Variants in ENTREP1 observed in about 807,000 individuals in gnomAD.
ENTREP1 encodes the protein endosomal transmembrane epsin interactor 1, also known as Friedreich ataxia region gene X123.
At chr9:69,359,180 A>G in the ENTREP1 span, among the ~76,000 whole-genome samples, 3 of 152,110 alleles carry the variant, frequency 2.0e-5, no homozygotes, top group Non-Finnish European at 4.4e-5. Flanking sequence ...TGCTGGGATT[A>G]CAGACGTGAG....
At chr9:69,358,884 T>A in the ENTREP1 span, among the ~76,000 whole-genome samples, 54,080 of 147,676 alleles carry the variant, frequency 0.37, 10,164 homozygotes, top group Admixed American at 0.42. Context: ...GCCTTTTTTT[T>A]TCTTTTTCTT....
At chr9:69,383,405 CA>C in the ENTREP1 span, 1 of 1,356,038 alleles carries the variant, frequency 7.4e-7, no homozygotes, top group Non-Finnish European at 9.5e-7. Context: ...GGTTTAAAAG[CA>C]ATGATGGGGT....
At chr9:69,379,458 GT>G in the ENTREP1 span, 6 of 152,282 alleles carry the variant, frequency 3.9e-5, no homozygotes, top group African/African-American at 1.2e-4. Flanking sequence ...CCTCTCTGGT[GT>G]TCAGGGAGTG....
At chr9:69,371,614 G>A in the ENTREP1 span, 5 of 1,589,292 alleles carry the variant, frequency 3.1e-6, no homozygotes, top group East Asian at 1.1e-4. Flanking sequence ...GATCTGGTAA[G>A]CAGTCCTAAA....
the ENTREP1 span, among the ~76,000 whole-genome samples, chr9:69,363,173 C>T: frequency 1.6e-4 from 24 of 152,058 alleles, no homozygotes; most frequent in Non-Finnish European, 1.5e-4. Flanking sequence ...TACTTTTTGG[C>T]GCCCACTGTC....
the ENTREP1 span, among the ~76,000 whole-genome samples, chr9:69,344,006 C>T: frequency 2.0e-5 from 3 of 152,086 alleles, no homozygotes; most frequent in South Asian, 2.1e-4. Context: ...TGGCAAAAAC[C>T]GCAATTAATT....
the ENTREP1 span, among the ~76,000 whole-genome samples, chr9:69,326,934 T>C: frequency 3.3e-5 from 5 of 150,754 alleles, no homozygotes; most frequent in South Asian, 1.1e-3. Context: ...TTTAGTAAGA[T>C]GTATAATCAG....
At chr9:69,358,202 C>T in the ENTREP1 span, among the ~76,000 whole-genome samples, 5 of 152,192 alleles carry the variant, frequency 3.3e-5, no homozygotes, top group Admixed American at 2.6e-4. Flanking sequence ...GAATTGAAGT[C>T]CCAACACTTG....
At chr9:69,347,360 C>A in the ENTREP1 span, among the ~76,000 whole-genome samples, 1 of 152,208 alleles carries the variant, frequency 6.6e-6, no homozygotes, top group African/African-American at 2.4e-5. Flanking sequence ...GGCAGATGAA[C>A]TCTCCCTGCC....
the ENTREP1 span, among the ~76,000 whole-genome samples, chr9:69,373,498 A>G: frequency 2.0e-5 from 3 of 151,856 alleles, no homozygotes; most frequent in African/African-American, 4.8e-5. Context: ...GGTATATTGT[A>G]TGTACTTCCC....
the ENTREP1 span, among the ~76,000 whole-genome samples, chr9:69,356,058 C>T: frequency 1.3e-5 from 2 of 152,172 alleles, no homozygotes; most frequent in Non-Finnish European, 2.9e-5. Flanking sequence ...CAGTGTTGTG[C>T]TGCACCACTG....
At chr9:69,364,877 T>C in the ENTREP1 span, among the ~76,000 whole-genome samples, 1 of 152,182 alleles carries the variant, frequency 6.6e-6, no homozygotes, top group African/African-American at 2.4e-5. Flanking sequence ...CCTTCTGGGT[T>C]TTGCAGGAGT....
the ENTREP1 span, among the ~76,000 whole-genome samples, chr9:69,348,648 T>C: frequency 3.3e-5 from 5 of 152,346 alleles, no homozygotes; most frequent in African/African-American, 1.2e-4. Flanking sequence ...GTACTTTTTG[T>C]CTTCATAGAT....
the ENTREP1 span, chr9:69,325,182 C>T: frequency 6.8e-6 from 7 of 1,031,888 alleles, no homozygotes; most frequent in Non-Finnish European, 7.0e-6. Flanking sequence ...TGCGCATTTC[C>T]TTCCCTCCCC....
the ENTREP1 span, among the ~76,000 whole-genome samples, chr9:69,348,369 C>G: frequency 4.6e-5 from 7 of 152,184 alleles, no homozygotes; most frequent in Admixed American, 4.6e-4. Flanking sequence ...ATCTGCCCAA[C>G]TTGGCCTCCA....
chr9:69,354,499 C>A, the ENTREP1 span, among the ~76,000 whole-genome samples: 2 of 152,268 alleles, frequency 1.3e-5, no homozygotes, highest in East Asian at 1.9e-4. Context: ...CTCAGGTGAT[C>A]CGCCTGCCTT....
the ENTREP1 span, among the ~76,000 whole-genome samples, chr9:69,357,974 G>C: frequency 6.6e-6 from 1 of 152,034 alleles, no homozygotes; most frequent in South Asian, 2.1e-4. Flanking sequence ...AACTGTCACG[G>C]GTCCTGTGCC....
the ENTREP1 span, chr9:69,377,293 A>C: frequency 1.1e-6 from 1 of 897,560 alleles, no homozygotes; most frequent in South Asian, 1.3e-5. Flanking sequence ...CGTTATTATT[A>C]TTTTAAAGAT....
chr9:69,355,082 G>A, the ENTREP1 span, among the ~76,000 whole-genome samples: 4 of 152,112 alleles, frequency 2.6e-5, no homozygotes, highest in Non-Finnish European at 5.9e-5. Flanking sequence ...TTCACTTATG[G>A]CATTTCATTA....
Sources: allele counts gnomAD v4.1 joint callset (sites outside exome capture counted in the v4.1 genomes callset), GRCh38; gene constraint gnomAD v4.1.1; transcripts MANE v1.5; gene names NCBI Gene and HGNC (gene_info 2026-07-23, HGNC 2026-07-21).